PFKM: variants seen among roughly 807,000 people sequenced by gnomAD.
PFKM encodes the protein ATP-dependent 6-phosphofructokinase, muscle type.
A neutral mutation model predicts 95.5 loss-of-function variants in PFKM; 58 were observed. The ratio of observed to expected loss-of-function variants is 0.61; its 90% confidence interval spans 0.49 to 0.76. The LOEUF is 0.76. PFKM is among the 30% of genes least tolerant of loss of function. The pLI is 0.00. For missense variants in PFKM, 678 were observed against 1,005.4 expected, an observed-to-expected ratio of 0.67 and a Z score of 4.40; for synonymous variants, 336 against 357.2, an observed-to-expected ratio of 0.94 and a Z score of 0.67.
In PFKM at chr12:48,141,708, C is replaced by T. The variant is rs111592216; in HGVS notation, c.1413-32C>T. ...TGTCTCTTCCCCAAATTCCAATTCC[C>T]CTTCCCCTCCCCGCCATCACTGATC... On this transcript the variant is annotated intron_variant, in intron 15 of 22. Coordinates refer to ENST00000359794, the MANE Select transcript of PFKM (RefSeq NM_000289.6). The T allele has an allele frequency of 1.9e-5, 28 of 1,496,102 alleles. No homozygotes were observed. In the African/African-American group the frequency reaches 3.3e-4, roughly 18 times the overall value. The allele number at this position is 1,496,102 out of a possible 1,614,324, so 92.7% of individuals were successfully genotyped here. A position where few individuals can be genotyped will look rare whatever the true frequency, so the allele number is the denominator to read the frequency against.
upstream of PFKM, chr12:48,118,652 T>C: frequency 1.2e-6 from 1 of 803,204 alleles, no homozygotes; most frequent in Non-Finnish European, 2.1e-6. Flanking sequence ...TCCTGTTTGC[T>C]GTGAAGCCCA....
At chr12:48,135,913 C>G (rs80140486) in intron 10 of PFKM, among the ~76,000 whole-genome samples, 36,817 of 139,980 alleles carry the variant, frequency 0.26, 4,809 homozygotes, top group Non-Finnish European at 0.31. Context: ...TTTTGAGACG[C>G]ACCATTGCAC....
At position 48,131,442 on chromosome 12, in the gene PFKM, A is replaced by C. The variant is rs1321929871; in HGVS notation, c.237+49A>C. ...CCCATATTTGCTCTGTCCTTGTTTC[A>C]TCCCACTCTGTTTTGGGCTCATGGT... On this transcript the variant is annotated intron_variant, in intron 4 of 22. Transcript: ENST00000359794. The C allele has an allele frequency of 3.0e-6, 4 of 1,337,290 alleles. No individual in the cohort carries two copies. The East Asian group carries it at 6.9e-5, about 23-fold the overall frequency. The allele number at this position is 1,337,290 out of a possible 1,614,324, so 82.8% of individuals were successfully genotyped here.
At chr12:48,105,404 G>A (rs1312495717), upstream of PFKM, 1 of 519,062 alleles carries the variant, frequency 1.9e-6, no homozygotes, top group Admixed American at 1.9e-5. Flanking sequence ...GGAATTACCA[G>A]GAGGCGATGA....
intron 3 of PFKM, among the ~76,000 whole-genome samples, chr12:48,130,639 G>A (rs1263149437): frequency 6.6e-6 from 1 of 152,134 alleles, no homozygotes; most frequent in African/African-American, 2.4e-5. Flanking sequence ...TACAAACTGG[G>A]TCTTCATGTT....
chr12:48,130,401 A>C lies in PFKM; in HGVS notation c.124A>C (p.Ile42Leu). Reference sequence around the variant, plus strand: ...TGTCAGGGCTGTGGTTCGAGTTGGTATCTTCACCGGTGCCCGTGTCTTCTT... The same window carrying C: ...TGTCAGGGCTGTGGTTCGAGTTGGTCTCTTCACCGGTGCCCGTGTCTTCTT... ...AAVRAVVRVG[I>L]FTGARVFFVH... Residue 42 changes from isoleucine (I) to leucine (L), a missense_variant, in exon 3 of 23, where the codon ATC (isoleucine) becomes CTC (leucine). Ile to Leu is a conservative substitution (Grantham distance 5). Transcript: ENST00000359794. 1 of 1,613,834 alleles carries C rather than the reference A, an allele frequency of 6.2e-7. No homozygotes were observed. Among genetic ancestry groups the C allele is most frequent in the Non-Finnish European group, 8.5e-7 (1 of 1,179,766 alleles).
chr12:48,122,684 C>A, intron 1 of PFKM, 83 bp from the exon 2 acceptor site: 5 of 1,597,442 alleles, frequency 3.1e-6, no homozygotes, highest in Non-Finnish European at 4.3e-6. Flanking sequence ...TGAGGTGGCT[C>A]TAGCCAGTCT....
Position 48,145,392 on chromosome 12 carries a change from C to CACTGTA in PFKM, c.2198+77_2198+78insACTGTA. The CACTGTA allele has an allele frequency of 1.5e-6, 2 of 1,329,324 alleles. No homozygotes were observed. Among genetic ancestry groups the CACTGTA allele is most frequent in the Non-Finnish European group, 2.2e-6 (2 of 930,066 alleles). 82.3% of individuals were successfully genotyped at this position (1,329,324 alleles called of 1,614,324 possible). A position where few individuals can be genotyped will look rare whatever the true frequency, so the allele number is the denominator to read the frequency against. ...CTACTGTCCTCAACCTGTTCACTGT[C>CACTGTA]TTTAATTCTTTTTTTTTTTTAAGGA... On this transcript the variant is annotated intron_variant, in intron 22 of 22. Transcript: ENST00000359794. The surrounding 1 kb of genome is among the most constrained non-coding windows in gnomAD (Gnocchi z 4.3).
exon 1 of PFKM, chr12:48,106,122 C>T (rs1292696013): frequency 1.4e-6 from 1 of 702,506 alleles, no homozygotes; most frequent in Non-Finnish European, 2.6e-6. Context: ...CTTCACAGCA[C>T]CGGAAGAGTC....
chr12:48,123,906 T>C (rs147200925), intron 2 of PFKM, among the ~76,000 whole-genome samples: 156 of 152,334 alleles, frequency 1.0e-3, no homozygotes, highest in African/African-American at 3.6e-3. Flanking sequence ...CAGTGAAAAC[T>C]TCATGGAGAA....
intron 1 of PFKM, among the ~76,000 whole-genome samples, chr12:48,120,221 G>A (rs962092829): frequency 3.3e-5 from 5 of 152,102 alleles, no homozygotes; most frequent in Non-Finnish European, 5.9e-5. Flanking sequence ...GTGTCTCTAT[G>A]TTCCTTTCAC....
upstream of PFKM, among the ~76,000 whole-genome samples, chr12:48,116,269 C>G (rs1302113719): frequency 3.3e-5 from 5 of 150,800 alleles, no homozygotes; most frequent in East Asian, 5.9e-4. Flanking sequence ...CTCCACCCCT[C>G]CCTACCTCCT....
intron 1 of PFKM, among the ~76,000 whole-genome samples, chr12:48,122,278 C>G (rs1443136827): frequency 1.3e-5 from 2 of 152,134 alleles, no homozygotes; most frequent in Admixed American, 1.3e-4. Flanking sequence ...TCCATAACAC[C>G]CAACCCTAAT....
upstream of PFKM, chr12:48,105,470 T>G (rs1472727670): frequency 5.8e-6 from 3 of 518,134 alleles, no homozygotes; most frequent in African/African-American, 5.8e-5. Context: ...AGCAGGAGGG[T>G]CCAGACGTTT....
In PFKM at chr12:48,133,019, C is replaced by T; in HGVS notation, c.389C>T (p.Ser130Phe). ...CTCACTGGGGCTGACACCTTCCGTT[C>T]TGAGTGGAGTGACTTGTTGAGTGAC... ...GSLTGADTFRSEWSDLLSDLQ... is the reference protein window; with the variant it reads ...GSLTGADTFRFEWSDLLSDLQ... The change falls in exon 5 of 23, where the codon TCT (serine) becomes TTT (phenylalanine). Residue 130 changes from serine (S) to phenylalanine (F), a missense_variant. Physicochemically the swap from Ser to Phe is radical, Grantham distance 155. Transcript: ENST00000359794. 6.2e-7 allele frequency: 1 copy of T among 1,614,164 alleles called. No homozygotes were observed. The highest frequency in any genetic ancestry group is 1.1e-5 in the South Asian group (1 of 91,064).
At position 48,145,139 on chromosome 12, in the gene PFKM, G is replaced by T. The variant is rs371778846; in HGVS notation, c.2092+9G>T. 1.0e-4 allele frequency: 166 copies of T among 1,612,538 alleles called. No individual in the cohort carries two copies. The highest frequency in any genetic ancestry group is 1.4e-4 in the Non-Finnish European group (161 of 1,178,656). The stretch of plus-strand genomic sequence containing the variant: ...AGAGAGTTACCGTAATGGTAGGTGG[G>T]GTGAGAGCGAGTGCCCTCTATAGAG... On this transcript the variant is annotated intron_variant, in intron 21 of 22. Coordinates refer to ENST00000359794, the MANE Select transcript of PFKM (RefSeq NM_000289.6). The surrounding 1 kb of genome is among the most constrained non-coding windows in gnomAD (Gnocchi z 4.3).
chr12:48,143,620 G>T, intron 18 of PFKM, 133 bp from the exon 19 acceptor site: 1 of 746,044 alleles, frequency 1.3e-6, no homozygotes, highest in Non-Finnish European at 2.4e-6. Context: ...ATTAGGCACA[G>T]TTCAGGCCCA....
At chr12:48,129,996 T>G (rs1352419089) in intron 2 of PFKM, among the ~76,000 whole-genome samples, 1 of 152,210 alleles carries the variant, frequency 6.6e-6, no homozygotes, top group African/African-American at 2.4e-5. Flanking sequence ...TTAACAGCAT[T>G]AAATAAGATG....
At chr12:48,108,007 G>A in intron 2 of PFKM, 1 of 1,550,050 alleles carries the variant, frequency 6.5e-7, no homozygotes. Context: ...AAAATGAAAG[G>A]GAGTAAGGAA....
Sources: gnomAD v4.1 joint callset for allele counts (sites outside exome capture counted in the v4.1 genomes callset) on GRCh38, gnomAD v4.1.1 for gene constraint, Gnocchi (gnomAD v3.1) non-coding constraint, MANE v1.5 for transcripts, NCBI Gene and HGNC (gene_info 2026-07-23, HGNC 2026-07-21) for gene names.